Variants in LSAMP observed in about 807,000 individuals in gnomAD.
LSAMP encodes limbic system-associated membrane protein.
In LSAMP, 7 loss-of-function variants were observed where a neutral mutation model predicts 38.6. That is an observed-to-expected ratio of 0.18 (90% CI 0.10 to 0.34). The LOEUF (loss-of-function observed/expected upper bound fraction) is 0.34. Ranked by LOEUF, LSAMP falls within the 10% of genes least tolerant of loss-of-function variation. The pLI, the probability that LSAMP is intolerant of heterozygous loss-of-function variation, is 1.00. For missense variants in LSAMP, 313 were observed against 420.0 expected (o/e 0.75, Z 2.23); for synonymous variants, 154 against 166.8 (o/e 0.92, Z 0.59).
At chr3:116,006,780 C>T (rs143263165) in intron 3 of LSAMP, among the ~76,000 whole-genome samples, 70 of 152,228 alleles carry the variant, frequency 4.6e-4, no homozygotes, top group Non-Finnish European at 6.8e-4. Flanking sequence ...ACTTTTGTTC[C>T]GAGGTGAAAT....
At chr3:116,009,587 C>T (rs975840668) in intron 3 of LSAMP, among the ~76,000 whole-genome samples, 8 of 152,126 alleles carry the variant, frequency 5.3e-5, no homozygotes, top group African/African-American at 1.7e-4. Flanking sequence ...TGGGTAATTC[C>T]GATGATCAGC....
At chr3:116,021,165 A>C (rs1306865517) in intron 2 of LSAMP, among the ~76,000 whole-genome samples, 1 of 152,116 alleles carries the variant, frequency 6.6e-6, no homozygotes, top group Non-Finnish European at 1.5e-5. Context: ...ACTGTAGTTG[A>C]TTCCAAATAT....
At chr3:116,100,460 A>G (rs1215585259) in intron 1 of LSAMP, among the ~76,000 whole-genome samples, 5 of 152,120 alleles carry the variant, frequency 3.3e-5, no homozygotes, top group Non-Finnish European at 4.4e-5. Flanking sequence ...AATTTTTAAA[A>G]AATTATTTAA....
intron 1 of LSAMP, among the ~76,000 whole-genome samples, chr3:116,263,721 A>T (rs1293793900): frequency 1.3e-5 from 2 of 152,150 alleles, no homozygotes; most frequent in Non-Finnish European, 2.9e-5. Context: ...ATGACCTTGC[A>T]TTTGTAAGAT....
chr3:116,082,845 A>ACG (rs1707901931), intron 2 of LSAMP, among the ~76,000 whole-genome samples: 1 of 152,116 alleles, frequency 6.6e-6, no homozygotes, highest in Non-Finnish European at 1.5e-5. Flanking sequence ...ATAAGAACTT[A>ACG]TGAACACAAA....
intron 1 of LSAMP, among the ~76,000 whole-genome samples, chr3:116,358,122 C>A (rs2048250822): frequency 6.6e-6 from 1 of 152,102 alleles, no homozygotes; most frequent in Non-Finnish European, 1.5e-5. Context: ...CCGCCTTAAT[C>A]TAGATAGAGA....
At chr3:116,029,035 A>C (rs1394355079) in intron 2 of LSAMP, among the ~76,000 whole-genome samples, 1 of 151,996 alleles carries the variant, frequency 6.6e-6, no homozygotes, top group Non-Finnish European at 1.5e-5. Flanking sequence ...AACTTAGCTG[A>C]CTCCTTTTTC....
At chr3:116,248,805 T>A (rs2046637032) in intron 1 of LSAMP, among the ~76,000 whole-genome samples, 1 of 151,876 alleles carries the variant, frequency 6.6e-6, no homozygotes, top group Non-Finnish European at 1.5e-5. Context: ...CTGTGTAGAC[T>A]GATGTGTGAA....
intron 1 of LSAMP, among the ~76,000 whole-genome samples, chr3:116,128,105 A>C (rs778748713): frequency 6.6e-6 from 1 of 152,162 alleles, no homozygotes; most frequent in Non-Finnish European, 1.5e-5. Context: ...TCATTAATTC[A>C]ATTAACACTT....
chr3:116,178,368 A>C (rs1710403056), intron 1 of LSAMP, among the ~76,000 whole-genome samples: 1 of 152,054 alleles, frequency 6.6e-6, no homozygotes, highest in Non-Finnish European at 1.5e-5. Context: ...GGGTTTTACC[A>C]CGTTGGCCAG....
intron 1 of LSAMP, among the ~76,000 whole-genome samples, chr3:116,356,666 C>T (rs572006670): frequency 1.3e-5 from 2 of 152,296 alleles, no homozygotes; most frequent in South Asian, 2.1e-4. Context: ...TGATTAGTAA[C>T]ATCATATGCC....
intron 1 of LSAMP, among the ~76,000 whole-genome samples, chr3:116,311,912 T>G (rs757167733): frequency 6.6e-5 from 10 of 152,166 alleles, no homozygotes; most frequent in Non-Finnish European, 1.5e-4. Context: ...AGTAAGCCAT[T>G]GGAATAATTT....
intron 1 of LSAMP, among the ~76,000 whole-genome samples, chr3:116,128,229 T>C (rs1409531215): frequency 1.3e-5 from 2 of 152,226 alleles, no homozygotes; most frequent in African/African-American, 4.8e-5. Flanking sequence ...ATCATATTGA[T>C]TGAACAACTA....
intron 3 of LSAMP, among the ~76,000 whole-genome samples, chr3:115,887,339 G>A (rs898839136): frequency 6.6e-6 from 1 of 151,724 alleles, no homozygotes; most frequent in East Asian, 1.9e-4. Context: ...TGTAAGAACA[G>A]CTGTAATTTT....
chr3:116,125,151 G>T (rs777871957), intron 1 of LSAMP, among the ~76,000 whole-genome samples: 1 of 152,040 alleles, frequency 6.6e-6, no homozygotes, highest in Non-Finnish European at 1.5e-5. Context: ...CTCTTATAGG[G>T]AACAAGACAG....
chr3:116,356,157 T>C (rs571945239), intron 1 of LSAMP, among the ~76,000 whole-genome samples: 19 of 152,264 alleles, frequency 1.2e-4, no homozygotes, highest in South Asian at 4.1e-4. Flanking sequence ...CTATTCACAA[T>C]AGTCAAGATT....
At chr3:115,982,931 CTTT>C (rs11386123) in intron 3 of LSAMP, among the ~76,000 whole-genome samples, 64 of 136,276 alleles carry the variant, frequency 4.7e-4, no homozygotes, top group Admixed American at 9.6e-4. Flanking sequence ...CCTATGGAGA[CTTT>C]TTTTTTTTTT....
At chr3:115,863,064 A>G (rs577111676) in intron 3 of LSAMP, among the ~76,000 whole-genome samples, 2 of 152,308 alleles carry the variant, frequency 1.3e-5, no homozygotes, top group Admixed American at 1.3e-4. Flanking sequence ...TTTATGTTTC[A>G]AGTGCTTGAC....
At chr3:116,303,293 G>A (rs76201543) in intron 1 of LSAMP, among the ~76,000 whole-genome samples, 4,000 of 152,178 alleles carry the variant, frequency 0.026, 156 homozygotes, top group African/African-American at 0.091. Context: ...CACCATTAGA[G>A]TTTAGAAGTG....
Sources: gnomAD v4.1 joint callset for allele counts (sites outside exome capture counted in the v4.1 genomes callset) on GRCh38, gnomAD v4.1.1 for gene constraint, MANE v1.5 for transcripts, NCBI Gene and HGNC (gene_info 2026-07-23, HGNC 2026-07-21) for gene names.